The following PHKA1 variants were observed in gnomAD, a reference collection of about 807,000 sequenced individuals.
The protein encoded by PHKA1 is phosphorylase b kinase regulatory subunit alpha, skeletal muscle isoform.
In PHKA1, 60 loss-of-function variants were observed where a neutral mutation model predicts 110.2. The ratio of observed to expected loss-of-function variants is 0.54; its 90% CI spans 0.44 to 0.68. The LOEUF is 0.68. Ranked by LOEUF, PHKA1 falls within the 30% of genes least tolerant of loss-of-function variation. The pLI, the probability that PHKA1 is intolerant of heterozygous loss-of-function variation, is 0.00. For missense variants in PHKA1, 801 were observed against 942.5 expected, an observed-to-expected ratio of 0.85 and a Z score of 1.97; for synonymous variants, 316 against 333.6, an observed-to-expected ratio of 0.95 and a Z score of 0.58.
At chrX:72,685,437 C>G (rs1166342842) in intron 4 of PHKA1, among the ~76,000 whole-genome samples, 1 of 111,346 alleles carries the variant, frequency 9.0e-6, no homozygotes, top group African/African-American at 3.3e-5. Context: ...TTTATCTTTT[C>G]TGGACATTTT....
intron 2 of PHKA1, among the ~76,000 whole-genome samples, chrX:72,706,269 C>T (rs2054282002): frequency 9.0e-6 from 1 of 111,470 alleles, no homozygotes; most frequent in African/African-American, 3.3e-5. Flanking sequence ...AAATGGTCCC[C>T]TCCCCTTACA....
chrX:72,601,417 C>T (rs2052655712), intron 28 of PHKA1, among the ~76,000 whole-genome samples: 2 of 111,100 alleles, frequency 1.8e-5, no homozygotes, highest in African/African-American at 6.5e-5. Flanking sequence ...TGGAAAATTA[C>T]TAAGAGGGAA....
intron 13 of PHKA1, among the ~76,000 whole-genome samples, chrX:72,647,966 A>C (rs2053381934): frequency 8.9e-6 from 1 of 112,046 alleles, no homozygotes; most frequent in Admixed American, 9.5e-5. Flanking sequence ...TAAGATACAG[A>C]TTAAAAAGTA....
At chrX:72,677,279 C>G (rs1343540850) in intron 5 of PHKA1, among the ~76,000 whole-genome samples, 1 of 112,260 alleles carries the variant, frequency 8.9e-6, no homozygotes, top group Non-Finnish European at 1.9e-5. Flanking sequence ...AATGCTGATA[C>G]GTCTTATTAC....
Position 72,713,943 on chromosome X carries a change from T to C in PHKA1, c.-63A>G. ...GGGTGCCACCGGAGCCTTCGGTCCC[T>C]AAGGAACAAGTATCCAACGCTGCTC... On this transcript the variant is annotated 5_prime_UTR_variant, in exon 1 of 32. Coordinates refer to ENST00000373542, the MANE Select transcript of PHKA1 (RefSeq NM_002637.4). 1 of 857,832 alleles carries C rather than the reference T, an allele frequency of 1.2e-6. No individual in the cohort carries two copies. The highest frequency in any genetic ancestry group is 3.2e-5 in the East Asian group (1 of 30,989). 70.7% of individuals were successfully genotyped at this position (857,832 alleles called of 1,213,427 possible).
At chrX:72,703,992 T>G (rs1962880843) in intron 3 of PHKA1, among the ~76,000 whole-genome samples, 1 of 111,843 alleles carries the variant, frequency 8.9e-6, no homozygotes, top group Admixed American at 9.5e-5. Flanking sequence ...CAAACAAGCC[T>G]CAAAAATAAA....
chrX:72,618,850 C>T lies in PHKA1; in HGVS notation c.2230-1G>A. 8.3e-7 allele frequency: 1 copy of T among 1,203,356 alleles called. No homozygotes were observed. Among genetic ancestry groups the T allele is most frequent in the Non-Finnish European group, 1.1e-6 (1 of 888,106 alleles). On this transcript the variant is annotated splice_acceptor_variant, in intron 20 of 31. Transcript: ENST00000373542. LOFTEE classifies it high-confidence loss of function. The stretch of plus-strand genomic sequence containing the variant: ...GTATTTCTACACGAACAGAGGGAAC[C>T]TTTAGTTTGAGAAATGATGACAAGA...
rs2053753063 is a variant in PHKA1 at position 72,674,579 on chromosome X, G to C, written c.618+1491C>G. Among the ~76,000 whole-genome samples the C allele has an allele frequency of 2.7e-5, 3 of 111,699 alleles. 1 individual carries two copies. Among genetic ancestry groups the C allele is most frequent in the African/African-American group, 6.5e-5 (2 of 30,660 alleles). Reference sequence around the variant, plus strand: ...CCAGTGATGATGAGCATTTTTTCATGTGTCTTTTGGATGCATAAATGTCTT... The same window carrying C: ...CCAGTGATGATGAGCATTTTTTCATCTGTCTTTTGGATGCATAAATGTCTT... On this transcript the variant is annotated intron_variant, in intron 6 of 31. Coordinates refer to ENST00000373542, the MANE Select transcript of PHKA1 (RefSeq NM_002637.4).
chrX:72,598,635 T>C (rs2052620885), intron 28 of PHKA1, among the ~76,000 whole-genome samples: 1 of 111,761 alleles, frequency 8.9e-6, no homozygotes, highest in South Asian at 3.7e-4. Context: ...ATAAATAAAA[T>C]GTGGTACATT....
intron 21 of PHKA1, among the ~76,000 whole-genome samples, chrX:72,618,500 T>C (rs782177526): frequency 2.0e-4 from 22 of 111,889 alleles, no homozygotes; most frequent in Non-Finnish European, 3.6e-4. Context: ...ATGGATATTA[T>C]ATCTTAATCT....
At chrX:72,695,287 C>T (rs1036832041) in intron 4 of PHKA1, among the ~76,000 whole-genome samples, 14 of 111,879 alleles carry the variant, frequency 1.3e-4, no homozygotes, top group African/African-American at 3.9e-4. Flanking sequence ...TTGTTTCTTA[C>T]ATTTCCCTTT....
At chrX:72,585,401 T>G (rs180949506) in intron 29 of PHKA1, among the ~76,000 whole-genome samples, 2 of 112,074 alleles carry the variant, frequency 1.8e-5, no homozygotes, top group Admixed American at 1.9e-4. Flanking sequence ...AATTTTGCCA[T>G]GTTATGATTG....
At chrX:72,666,120 T>A in intron 8 of PHKA1, 31 bp downstream of exon 8, 1 of 1,203,822 alleles carries the variant, frequency 8.3e-7, no homozygotes, top group Non-Finnish European at 1.1e-6. Context: ...AGTCACAGCC[T>A]TAAAGAAAAC....
At chrX:72,591,142 GC>G (rs1556224287) in intron 29 of PHKA1, among the ~76,000 whole-genome samples, 1 of 111,987 alleles carries the variant, frequency 8.9e-6, no homozygotes, top group East Asian at 2.8e-4. Context: ...ATTCACAATA[GC>G]AAAGACTTGG....
chrX:72,681,687 C>G (rs1224142219), intron 5 of PHKA1, among the ~76,000 whole-genome samples: 2 of 86,082 alleles, frequency 2.3e-5, no homozygotes, highest in Non-Finnish European at 4.6e-5. Context: ...GTCAGCCCCC[C>G]ACCTGGCCAG....
At chrX:72,696,976 T>C (rs1556327652) in intron 3 of PHKA1, among the ~76,000 whole-genome samples, 2 of 111,587 alleles carry the variant, frequency 1.8e-5, no homozygotes, top group Non-Finnish European at 3.8e-5. Flanking sequence ...CAAAATTTGG[T>C]TGAGATCTAA....
chrX:72,588,631 A>G (rs2052470071), intron 29 of PHKA1, among the ~76,000 whole-genome samples: 1 of 111,755 alleles, frequency 8.9e-6, no homozygotes, highest in African/African-American at 3.3e-5. Context: ...AGATCAATGA[A>G]TCCAGGAGCT....
chrX:72,604,018 A>G (rs782608287), intron 25 of PHKA1, among the ~76,000 whole-genome samples: 1 of 110,523 alleles, frequency 9.0e-6, no homozygotes, highest in Non-Finnish European at 1.9e-5. Context: ...ACTTTATCCT[A>G]TAAGGAATAA....
chrX:72,609,631 T>C lies in PHKA1; in HGVS notation c.2599A>G (p.Ile867Val), dbSNP rs782193741. The C allele has an allele frequency of 7.5e-6, 9 of 1,195,313 alleles. No individual in the cohort carries two copies. Among genetic ancestry groups the C allele is most frequent in the African/African-American group, 1.8e-5 (1 of 56,905 alleles). ...AAACCCAGCCATACTCACGCAGAGA[T>C]AGTCTTTTCTCGAGGTTCTGGAGGA... is the stretch of plus-strand genomic sequence containing the variant. ...GLPPEPREKT[I>V]SAPLPYEALT... The change falls in exon 23 of 32, where the codon ATC (isoleucine) becomes GTC (valine). Residue 867 changes from isoleucine (I) to valine (V), a missense_variant. Around this residue, in one of 2 missense-constraint regions of PHKA1, gnomAD observed 502 missense variants for 519.2 expected, o/e 0.97. Coordinates refer to ENST00000373542, the MANE Select transcript of PHKA1 (RefSeq NM_002637.4).
Sources: allele counts gnomAD v4.1 joint callset (sites outside exome capture counted in the v4.1 genomes callset), GRCh38; gene constraint gnomAD v4.1.1; regional missense constraint gnomAD v4.1.1; transcripts MANE v1.5; gene names NCBI Gene and HGNC (gene_info 2026-07-23, HGNC 2026-07-21).